POM121C: variants seen among roughly 807,000 people sequenced by gnomAD.
POM121C encodes nuclear envelope pore membrane protein POM 121C.
In POM121C, 20 loss-of-function variants were observed where a neutral mutation model predicts 66.4. The ratio of observed to expected loss-of-function variants is 0.30; its 90% CI spans 0.21 to 0.44. The LOEUF is 0.44. POM121C is among the 20% of genes least tolerant of loss of function. The pLI, the probability that POM121C is intolerant of heterozygous loss-of-function variation, is 1.00. For missense variants in POM121C, 580 were observed against 1,225.7 expected, an observed-to-expected ratio of 0.47 and a Z score of 7.87; for synonymous variants, 286 against 528.0, an observed-to-expected ratio of 0.54 and a Z score of 6.28.
At chr7:75,469,570 A>G (rs1791795378) in intron 3 of POM121C, among the ~76,000 whole-genome samples, 1 of 152,162 alleles carries the variant, frequency 6.6e-6, no homozygotes, top group African/African-American at 2.4e-5. Flanking sequence ...AGATCTTTTT[A>G]AAAACACTAA....
At chr7:75,429,123 A>G (rs1273871846) in intron 7 of POM121C, among the ~76,000 whole-genome samples, 2 of 152,220 alleles carry the variant, frequency 1.3e-5, no homozygotes, top group Non-Finnish European at 1.5e-5. Flanking sequence ...TATTATGTCT[A>G]TTCAACTCAA....
At chr7:75,481,517 G>A (rs587743193) in intron 1 of POM121C, among the ~76,000 whole-genome samples, 1 of 152,210 alleles carries the variant, frequency 6.6e-6, no homozygotes, top group African/African-American at 2.4e-5. Flanking sequence ...TAAACAAATA[G>A]AGAATAGAAA....
chr7:75,429,103 G>A (rs1554472043), intron 7 of POM121C, among the ~76,000 whole-genome samples: 1 of 152,096 alleles, frequency 6.6e-6, no homozygotes, highest in Admixed American at 6.6e-5. Context: ...AACAAGACAA[G>A]GATGTTTATT....
chr7:75,475,276 T>C, intron 1 of POM121C, 88 bp from the exon 2 acceptor site: 1 of 1,317,330 alleles, frequency 7.6e-7, no homozygotes, highest in Non-Finnish European at 1.1e-6. Context: ...AAGTTAACCA[T>C]GAACATTGTA....
chr7:75,469,141 C>T (rs747660094), intron 3 of POM121C, among the ~76,000 whole-genome samples: 1 of 151,758 alleles, frequency 6.6e-6, no homozygotes, highest in Non-Finnish European at 1.5e-5. Context: ...GCTCTGTTGC[C>T]CAGGCTGGAG....
At chr7:75,433,097 T>C (rs748119064) in intron 7 of POM121C, among the ~76,000 whole-genome samples, 1 of 151,274 alleles carries the variant, frequency 6.6e-6, no homozygotes, top group Non-Finnish European at 1.5e-5. Flanking sequence ...TAGCTGGGCG[T>C]GGTGGCCAGA....
chr7:75,437,989 G>A (rs1790479581), intron 6 of POM121C, among the ~76,000 whole-genome samples: 1 of 152,184 alleles, frequency 6.6e-6, no homozygotes, highest in African/African-American at 2.4e-5. Flanking sequence ...CAGGCATGTG[G>A]GAACTTTTGG....
In POM121C at chr7:75,424,243, G is replaced by C; in HGVS notation, c.872-18C>G. The C allele has an allele frequency of 6.2e-7, 1 of 1,611,214 alleles. No homozygotes were observed. On this transcript the variant is annotated intron_variant, in intron 11 of 14. Coordinates refer to ENST00000615331, the MANE Select transcript of POM121C (RefSeq NM_001099415.3). ...GGCAGCATCTAAGAAAGAAAGAAAG[G>C]TGAAGCAGTCCTGGCTTGTCTGGGA...
At chr7:75,458,781 A>G (rs587626786) in intron 3 of POM121C, among the ~76,000 whole-genome samples, 1 of 152,296 alleles carries the variant, frequency 6.6e-6, no homozygotes, top group South Asian at 2.1e-4. Context: ...CATACTAAGA[A>G]CCAGAAAAAT....
chr7:75,432,242 T>C (rs1216791698), intron 7 of POM121C, among the ~76,000 whole-genome samples: 1 of 150,840 alleles, frequency 6.6e-6, no homozygotes, highest in African/African-American at 2.4e-5. Context: ...GTACAAATAC[T>C]TTATGTATAC....
chr7:75,475,629 T>C (rs1428013732), intron 1 of POM121C, among the ~76,000 whole-genome samples: 5 of 151,572 alleles, frequency 3.3e-5, no homozygotes, highest in South Asian at 4.2e-4. Flanking sequence ...AACTCACTGC[T>C]CTGGGGCTCT....
At chr7:75,461,706 C>A (rs1188326893) in intron 3 of POM121C, among the ~76,000 whole-genome samples, 1 of 151,894 alleles carries the variant, frequency 6.6e-6, no homozygotes, top group African/African-American at 2.4e-5. Flanking sequence ...CCACCATGCC[C>A]GGCCAAAACA....
rs2429588 is a variant in POM121C, at chr7:75,419,793, C to T, written c.2744-351G>A. On this transcript the variant is annotated intron_variant, in intron 13 of 14. Transcript: ENST00000615331. ...GCTACCTCCTCTGTTCAGGCCTTTT[C>T]CCCCTAGCCACCGTCCCCTCCCCTC... 2.9e-3 allele frequency: 726 copies of T among 254,208 alleles called. 3 individuals carry two copies. The highest frequency in any genetic ancestry group is 6.7e-3 in the South Asian group (111 of 16,548). 15.7% of individuals were successfully genotyped at this position (254,208 alleles called of 1,614,324 possible).
At chr7:75,465,756 A>G (rs1554477716) in intron 3 of POM121C, among the ~76,000 whole-genome samples, 1 of 150,718 alleles carries the variant, frequency 6.6e-6, no homozygotes, top group Non-Finnish European at 1.5e-5. Flanking sequence ...CCATCTCAAA[A>G]AAAAAAAAAA....
intron 3 of POM121C, chr7:75,442,367 G>A (rs2116416201): frequency 7.0e-7 from 1 of 1,432,302 alleles, no homozygotes; most frequent in East Asian, 2.7e-5. Context: ...CAGTTCGGCA[G>A]GGTCAGGTCC....
At chr7:75,423,772 T>C (rs190147040) in intron 12 of POM121C, among the ~76,000 whole-genome samples, 12 of 151,972 alleles carry the variant, frequency 7.9e-5, no homozygotes, top group East Asian at 1.9e-4. Context: ...TCAGAGGTGC[T>C]GCACCGGGAA....
rs1462648814 is a variant in POM121C at position 75,418,243 on chromosome 7, AAAG to A, written c.*550_*552del. On this transcript the variant is annotated 3_prime_UTR_variant, in exon 15 of 15. Coordinates refer to ENST00000615331, the MANE Select transcript of POM121C (RefSeq NM_001099415.3). ...CAAAGCTAGATTCAAGGGCATTTAA[AAAG>A]GAGGGAATCCTGCAAGGAACCGGTG... The A allele has an allele frequency of 1.0e-6, 1 of 980,794 alleles. No homozygotes were observed. 60.8% of individuals were successfully genotyped at this position (980,794 alleles called of 1,614,324 possible).
chr7:75,457,072 A>G (rs1791247916), intron 3 of POM121C, among the ~76,000 whole-genome samples: 2 of 150,608 alleles, frequency 1.3e-5, no homozygotes, highest in South Asian at 4.2e-4. Flanking sequence ...GCTTGAACCC[A>G]GGAGGTGGAG....
chr7:75,419,010 T>C, intron 14 of POM121C, 117 bp from the exon 15 acceptor site: 2 of 1,458,774 alleles, frequency 1.4e-6, no homozygotes, highest in East Asian at 2.5e-5. Flanking sequence ...TCAATAGGGC[T>C]TTCCCCGCTG....
Sources: gnomAD v4.1 joint callset for allele counts (sites outside exome capture counted in the v4.1 genomes callset) on GRCh38, gnomAD v4.1.1 for gene constraint, MANE v1.5 for transcripts, NCBI Gene and HGNC (gene_info 2026-07-23, HGNC 2026-07-21) for gene names.